The following GRM5 variants were observed in gnomAD, a reference collection of about 807,000 sequenced individuals.
GRM5 encodes glutamate metabotropic receptor 5.
Under a neutral mutation model 83.1 loss-of-function variants are expected in GRM5, and 19 were observed. That is an observed-to-expected ratio of 0.23 (90% CI 0.16 to 0.34). The LOEUF (loss-of-function observed/expected upper bound fraction) is 0.34, where lower values mean the gene tolerates loss of function less well. GRM5 is among the 10% of genes least tolerant of loss of function. The pLI is 1.00. For missense variants in GRM5, 1,160 were observed against 1,588.3 expected (o/e 0.73, Z 4.58); for synonymous variants, 675 against 633.6 (o/e 1.07, Z -0.98).
chr11:88,918,192 GA>G (rs906164827), intron 2 of GRM5, among the ~76,000 whole-genome samples: 40 of 143,534 alleles, frequency 2.8e-4, no homozygotes, highest in East Asian at 1.8e-3. Context: ...AATGCTGAAG[GA>G]AAAAAAAAAA....
At chr11:88,699,418 G>T (rs79072424) in intron 3 of GRM5, among the ~76,000 whole-genome samples, 9,399 of 152,068 alleles carry the variant, frequency 0.062, 578 homozygotes, top group Admixed American at 0.16. Flanking sequence ...AAGCTGTGAG[G>T]TGCCATAAAG....
intron 2 of GRM5, among the ~76,000 whole-genome samples, chr11:88,964,853 A>T (rs1171361660): frequency 6.6e-6 from 1 of 152,204 alleles, no homozygotes; most frequent in East Asian, 1.9e-4. Flanking sequence ...CGAATTATTT[A>T]AGACTTCTCA....
intron 3 of GRM5, among the ~76,000 whole-genome samples, chr11:88,683,787 C>A (rs563730163): frequency 6.6e-6 from 1 of 152,208 alleles, no homozygotes; most frequent in African/African-American, 2.4e-5. Context: ...CAGGTACTGG[C>A]AATATATGAT....
intron 2 of GRM5, among the ~76,000 whole-genome samples, chr11:89,026,971 G>T (rs188839459): frequency 6.6e-6 from 1 of 152,116 alleles, no homozygotes; most frequent in Non-Finnish European, 1.5e-5. Flanking sequence ...GAAGAAAAAG[G>T]GCTTCATCCC....
chr11:88,884,960 C>T (rs1360099254), intron 2 of GRM5, among the ~76,000 whole-genome samples: 5 of 152,110 alleles, frequency 3.3e-5, no homozygotes, highest in Non-Finnish European at 7.4e-5. Context: ...GACTAATATA[C>T]CATATTTGTC....
At chr11:88,635,475 A>G (rs1246565977) in intron 4 of GRM5, among the ~76,000 whole-genome samples, 1 of 152,158 alleles carries the variant, frequency 6.6e-6, no homozygotes, top group Non-Finnish European at 1.5e-5. Flanking sequence ...TCTTCTTTTG[A>G]GAAATGTGTA....
intron 2 of GRM5, among the ~76,000 whole-genome samples, chr11:89,000,059 AG>A (rs1388302904): frequency 3.3e-5 from 5 of 152,118 alleles, no homozygotes; most frequent in Non-Finnish European, 7.4e-5. Context: ...GGACACAGGA[AG>A]GGGAACATCA....
chr11:88,784,079 A>G (rs1200453965), intron 3 of GRM5, among the ~76,000 whole-genome samples: 1 of 152,016 alleles, frequency 6.6e-6, no homozygotes, highest in South Asian at 2.1e-4. Flanking sequence ...TACATTTACC[A>G]CTATACCACC....
chr11:88,862,677 C>T (rs1590920900), intron 2 of GRM5, among the ~76,000 whole-genome samples: 1 of 151,962 alleles, frequency 6.6e-6, no homozygotes, highest in South Asian at 2.1e-4. Context: ...AGTTCTGGGA[C>T]ACATGTGCAG....
At chr11:88,848,172 G>A (rs1424342149) in intron 3 of GRM5, among the ~76,000 whole-genome samples, 1 of 152,112 alleles carries the variant, frequency 6.6e-6, no homozygotes, top group African/African-American at 2.4e-5. Context: ...TGGCATGTTT[G>A]TGGGTTGTAT....
intron 9 of GRM5, among the ~76,000 whole-genome samples, chr11:88,519,317 T>G (rs187394460): frequency 1.3e-5 from 2 of 152,156 alleles, no homozygotes; most frequent in Admixed American, 1.3e-4. Context: ...ATATCTGGGA[T>G]GTCTGGAAAG....
At chr11:88,947,186 G>A (rs1307667254) in intron 2 of GRM5, among the ~76,000 whole-genome samples, 2 of 152,000 alleles carry the variant, frequency 1.3e-5, no homozygotes, top group Non-Finnish European at 2.9e-5. Context: ...CACTTATTAG[G>A]CCTCACATGA....
intron 8 of GRM5, among the ~76,000 whole-genome samples, chr11:88,560,535 TAGAA>T (rs1334149592): frequency 6.6e-6 from 1 of 152,160 alleles, no homozygotes; most frequent in African/African-American, 2.4e-5. Flanking sequence ...AAGTTGATTT[TAGAA>T]AGAAAGCATT....
At chr11:88,757,724 C>A (rs1332472680) in intron 3 of GRM5, among the ~76,000 whole-genome samples, 2 of 152,166 alleles carry the variant, frequency 1.3e-5, no homozygotes, top group Non-Finnish European at 2.9e-5. Context: ...CCCACTAGCA[C>A]CCTGCTGCAG....
At chr11:88,751,087 A>AC (rs1416640263) in intron 3 of GRM5, among the ~76,000 whole-genome samples, 1 of 146,906 alleles carries the variant, frequency 6.8e-6, no homozygotes, top group Non-Finnish European at 1.5e-5. Context: ...AAAAAAAAAA[A>AC]AAAAAAAACA....
intron 4 of GRM5, among the ~76,000 whole-genome samples, chr11:88,616,864 G>A (rs1339072360): frequency 6.6e-6 from 1 of 152,092 alleles, no homozygotes; most frequent in African/African-American, 2.4e-5. Flanking sequence ...CATTGGCGGT[G>A]ATCTGTCACT....
At chr11:88,709,572 T>C (rs1941237500) in intron 3 of GRM5, among the ~76,000 whole-genome samples, 1 of 151,994 alleles carries the variant, frequency 6.6e-6, no homozygotes, top group Non-Finnish European at 1.5e-5. Flanking sequence ...AAGGAAATGC[T>C]CTGGAGAGGA....
intron 2 of GRM5, among the ~76,000 whole-genome samples, chr11:88,887,053 C>T (rs560033256): frequency 6.6e-6 from 1 of 152,264 alleles, no homozygotes; most frequent in Admixed American, 6.5e-5. Flanking sequence ...CCCAAACACT[C>T]TAGCTAACCA....
chr11:88,763,281 C>CT (rs56947446), intron 3 of GRM5, among the ~76,000 whole-genome samples: 149,914 of 151,766 alleles, frequency 0.99, 74,066 homozygotes, highest in East Asian at 1. Flanking sequence ...TTGAGGGAGT[C>CT]TGTAGGGTTA....
Sources: allele counts gnomAD v4.1 joint callset (sites outside exome capture counted in the v4.1 genomes callset), GRCh38; gene constraint gnomAD v4.1.1; transcripts MANE v1.5; gene names NCBI Gene and HGNC (gene_info 2026-07-23, HGNC 2026-07-21).